The following EIF2A variants were observed in gnomAD, a reference collection of about 807,000 sequenced individuals.
EIF2A encodes 65 kDa eukaryotic translation initiation factor 2A.
Under a neutral mutation model 75.2 loss-of-function variants are expected in EIF2A, and 62 were observed. The ratio of observed to expected loss-of-function variants is 0.82; its 90% CI spans 0.67 to 1.02. The LOEUF (loss-of-function observed/expected upper bound fraction) is 1.02. EIF2A is among the 50% of genes least tolerant of loss of function. The pLI is 0.00. For synonymous variants in EIF2A, 207 were observed against 239.0 expected, an observed-to-expected ratio of 0.87 and a Z score of 1.23; for missense variants, 611 against 677.7, an observed-to-expected ratio of 0.90 and a Z score of 1.09.
intron 4 of EIF2A, 33 bp from the exon 5 acceptor site, chr3:150,563,482 G>T: frequency 1.4e-6 from 2 of 1,475,350 alleles, no homozygotes; most frequent in South Asian, 2.5e-5. Flanking sequence ...AATGTTACAA[G>T]GCAATTACTG....
In EIF2A at chr3:150,575,723, AAATC is replaced by A; in HGVS notation, c.1461_1464del (p.Asn487LysfsTer46). On this transcript the variant is annotated frameshift_variant, in exon 11 of 14. Transcript: ENST00000460851. LOFTEE classifies it high-confidence loss of function. ...AGCCATTATCAAAAACAGCTCTTAA[AAATC>A]AAAGGAAGCATGAAGCTAAGAAAGC... 1.9e-6 allele frequency: 3 copies of A among 1,613,070 alleles called. No individual in the cohort carries two copies. Among genetic ancestry groups the A allele is most frequent in the Non-Finnish European group, 2.5e-6 (3 of 1,179,518 alleles).
rs36038911 is a variant in EIF2A at position 150,559,498 on chromosome 3, C to CTTT, written c.173+1054_173+1056dup. Among the ~76,000 whole-genome samples, 824 of 110,472 alleles carry CTTT rather than the reference C, an allele frequency of 7.5e-3. 22 individuals are homozygous for CTTT. Among genetic ancestry groups the CTTT allele is most frequent in the Non-Finnish European group, 9.6e-3 (548 of 56,972 alleles). 72.5% of individuals were successfully genotyped at this position (110,472 alleles called of 152,430 possible). A position where few individuals can be genotyped will look rare whatever the true frequency, so the allele number is the denominator to read the frequency against. ...TAGGTGTTAGCCACTATGCCCAGCCCTTTTTTTTTTTTTTTTTTTTGAGAC... is the reference window on the plus strand; with the variant it reads ...TAGGTGTTAGCCACTATGCCCAGCCCTTTTTTTTTTTTTTTTTTTTTTTGAGAC... On this transcript the variant is annotated intron_variant, in intron 3 of 13. Coordinates refer to ENST00000460851, the MANE Select transcript of EIF2A (RefSeq NM_032025.5).
chr3:150,558,491 G>A, intron 3 of EIF2A, 29 bp downstream of exon 3: 1 of 1,450,350 alleles, frequency 6.9e-7, no homozygotes, highest in South Asian at 1.5e-5. Context: ...AACATATTTT[G>A]TGTGTCACGA....
intron 3 of EIF2A, 36 bp downstream of exon 3, chr3:150,558,498 A>T (rs1723689189): frequency 7.0e-7 from 1 of 1,420,116 alleles, no homozygotes; most frequent in Non-Finnish European, 9.3e-7. Flanking sequence ...TTTGTGTGTC[A>T]CGAATATAAA....
At chr3:150,562,718 G>A (rs1033139876) in intron 4 of EIF2A, 58 bp downstream of exon 4, 22 of 1,329,026 alleles carry the variant, frequency 1.7e-5, no homozygotes, top group Non-Finnish European at 1.2e-5. Context: ...TTAGTGGGGG[G>A]GAAAAAGTTA....
intron 10 of EIF2A, among the ~76,000 whole-genome samples, chr3:150,574,486 T>C (rs1245121695): frequency 6.6e-6 from 1 of 152,244 alleles, no homozygotes; most frequent in East Asian, 1.9e-4. Context: ...TTTCATATTA[T>C]GTATAAAACA....
chr3:150,578,997 T>C (rs929717402), intron 11 of EIF2A, among the ~76,000 whole-genome samples: 1 of 152,234 alleles, frequency 6.6e-6, no homozygotes, highest in African/African-American at 2.4e-5. Flanking sequence ...AGAGAATGGC[T>C]AGAATTTAAG....
intron 3 of EIF2A, among the ~76,000 whole-genome samples, chr3:150,561,070 T>C (rs967042416): frequency 2.0e-5 from 3 of 152,194 alleles, no homozygotes; most frequent in African/African-American, 7.2e-5. Flanking sequence ...GAGATTGTAG[T>C]AGACATCAAA....
At chr3:150,574,931 G>A (rs925092908) in intron 10 of EIF2A, among the ~76,000 whole-genome samples, 2 of 152,204 alleles carry the variant, frequency 1.3e-5, no homozygotes, top group African/African-American at 4.8e-5. Flanking sequence ...GAGAGTTGTA[G>A]TGCCATCACT....
At chr3:150,575,785 A>T in intron 11 of EIF2A, 23 bp downstream of exon 11, 1 of 1,586,266 alleles carries the variant, frequency 6.3e-7, no homozygotes, top group Non-Finnish European at 8.6e-7. Context: ...CTAATCTCAT[A>T]ACAAAACAAA....
At position 150,572,392 on chromosome 3, in the gene EIF2A, T is replaced by C; in HGVS notation, c.1246T>C (p.Phe416Leu). The stretch of plus-strand genomic sequence containing the variant: ...ATTATGGCAGGTTTCTTGGCAGCCA[T>C]TTTTGGATGGAATATTTCCAGCAAA... ...AELWQVSWQP[F>L]LDGIFPAKTI... is the part of the protein sequence containing the mutation. The change falls in exon 10 of 14, where the codon TTT (phenylalanine) becomes CTT (leucine). Residue 416 changes from phenylalanine (F) to leucine (L), a missense_variant. Phe to Leu is a conservative substitution (Grantham distance 22, BLOSUM62 0). Coordinates refer to ENST00000460851, the MANE Select transcript of EIF2A (RefSeq NM_032025.5). The C allele has an allele frequency of 1.2e-6, 2 of 1,614,006 alleles. No homozygotes were observed. The highest frequency in any genetic ancestry group is 1.7e-6 in the Non-Finnish European group (2 of 1,179,876).
chr3:150,557,399 G>T (rs754650301), intron 2 of EIF2A, among the ~76,000 whole-genome samples: 4 of 152,006 alleles, frequency 2.6e-5, no homozygotes, highest in Non-Finnish European at 4.4e-5. Context: ...ATGTGGGAAA[G>T]ATTTTTTTTA....
intron 5 of EIF2A, 107 bp downstream of exon 5, chr3:150,563,721 A>G: frequency 1.1e-6 from 1 of 908,056 alleles, no homozygotes; most frequent in South Asian, 2.0e-5. Flanking sequence ...TTATCAGACA[A>G]AAATCTACAT....
At chr3:150,562,776 A>G in intron 4 of EIF2A, 116 bp downstream of exon 4, 1 of 694,550 alleles carries the variant, frequency 1.4e-6, no homozygotes, top group South Asian at 1.8e-5. Context: ...ATGATAGTAA[A>G]TAGTGTTTGT....
chr3:150,557,709 TA>T (rs66698123), intron 2 of EIF2A: 14,065 of 390,026 alleles, frequency 0.036, 368 homozygotes, highest in South Asian at 0.053. Flanking sequence ...AAAGAGATTT[TA>T]AAAATGTTTT....
chr3:150,558,487 T>G, intron 3 of EIF2A, 25 bp downstream of exon 3: 1 of 1,462,118 alleles, frequency 6.8e-7, no homozygotes, highest in Non-Finnish European at 9.0e-7. Flanking sequence ...ACATAACATA[T>G]TTTGTGTGTC....
At chr3:150,564,564 T>G (rs1724068434) in intron 6 of EIF2A, 183 bp downstream of exon 6, 2 of 424,860 alleles carry the variant, frequency 4.7e-6, no homozygotes, top group East Asian at 3.8e-5. Flanking sequence ...ACACAAAGGT[T>G]TTCTTTTACA....
At chr3:150,572,924 A>G (rs148612137) in intron 10 of EIF2A, among the ~76,000 whole-genome samples, 24 of 152,036 alleles carry the variant, frequency 1.6e-4, no homozygotes, top group African/African-American at 5.3e-4. Context: ...AAACTTCTTA[A>G]TTTCCATCGA....
At chr3:150,552,331 G>A (rs1306187395) in intron 1 of EIF2A, 25 bp from the exon 2 acceptor site, 1 of 1,540,004 alleles carries the variant, frequency 6.5e-7, no homozygotes, top group Non-Finnish European at 8.8e-7. Flanking sequence ...AAGTAATTGT[G>A]GTTCTTTTTA....
Sources: allele counts gnomAD v4.1 joint callset (sites outside exome capture counted in the v4.1 genomes callset), GRCh38; gene constraint gnomAD v4.1.1; transcripts MANE v1.5; gene names NCBI Gene and HGNC (gene_info 2026-07-23, HGNC 2026-07-21).